SLC14A2: variants seen among roughly 807,000 people sequenced by gnomAD.
SLC14A2 encodes urea transporter 2.
SLC14A2 carries 91 observed loss-of-function variants against 104.6 expected under a neutral mutation model. The ratio of observed to expected loss-of-function variants is 0.87; its 90% confidence interval spans 0.73 to 1.04. SLC14A2 has a LOEUF of 1.04. SLC14A2 is among the 50% of genes least tolerant of loss of function. The pLI is 0.00. For synonymous variants in SLC14A2, 476 were observed against 466.4 expected (o/e 1.02, Z -0.27); for missense variants, 1,189 against 1,156.0 (o/e 1.03, Z -0.41).
At chr18:45,489,489 C>T (rs1310994358) in intron 2 of SLC14A2, among the ~76,000 whole-genome samples, 1 of 152,118 alleles carries the variant, frequency 6.6e-6, no homozygotes. Flanking sequence ...CCCGCCTGGT[C>T]AACAGAGCAA....
intron 1 of SLC14A2, among the ~76,000 whole-genome samples, chr18:45,270,868 T>C (rs567868579): frequency 6.6e-6 from 1 of 152,140 alleles, no homozygotes; most frequent in South Asian, 2.1e-4. Flanking sequence ...TACAACTAGA[T>C]CTTGGGCTTC....
Position 45,667,846 on chromosome 18 carries a change from G to A in SLC14A2, c.1731G>A (p.Val577=), listed in dbSNP as rs758476471. 15 of 1,613,982 alleles carry A rather than the reference G, an allele frequency of 9.3e-6. No individual in the cohort carries two copies. The East Asian group carries it at 3.3e-4, about 36-fold the overall frequency. ...CGEGLKDKSP[V]FQFFDWVLRG... The stretch of plus-strand genomic sequence containing the variant: ...GTTCCATTTCAGACAAGTCCCCAGT[G>A]TTCCAGTTCTTTGACTGGGTCCTCC... Residue 577 remains valine (V), a synonymous_variant, in exon 14 of 20, where the codon GTG becomes GTA. Coordinates refer to ENST00000255226, the MANE Select transcript of SLC14A2 (RefSeq NM_007163.4).
In SLC14A2 at chr18:45,257,403, T is replaced by A. The variant is rs996639590; in HGVS notation, c.-125+44212T>A. Reference sequence around the variant, plus strand: ...ACATGTAATCCTAATGCATACCTTATGGCCCTTCTGCCATTATTGAGACTT... The same window carrying A: ...ACATGTAATCCTAATGCATACCTTAAGGCCCTTCTGCCATTATTGAGACTT... On this transcript the variant is annotated intron_variant, in intron 1 of 20. Transcript: ENST00000586448. 2.0e-5 allele frequency among the ~76,000 whole-genome samples: 3 copies of A among 152,246 alleles called. No homozygotes were observed. The South Asian group carries it at 6.2e-4, about 32-fold the overall frequency.
rs761839050 is a variant in SLC14A2, at chr18:45,666,211, G to A, written c.1549G>A (p.Glu517Lys). 85 of 1,611,092 alleles carry A rather than the reference G, an allele frequency of 5.3e-5. 2 individuals carry two copies. The South Asian group carries it at 6.5e-4, about 12-fold the overall frequency. Residue 517 changes from glutamate to lysine, a missense_variant, in exon 12 of 20, where the codon GAG becomes AAG. Glu to Lys is a moderately conservative substitution (Grantham distance 56, BLOSUM62 1). Transcript: ENST00000255226. ...CTATCGATACCGGAAGCCCACAGTC[G>A]AGCTGCTTGTGAGTACTGAGTGTCC... ...FPYRYRKPTV[E>K]LLDLDTMEES...
intron 2 of SLC14A2, among the ~76,000 whole-genome samples, chr18:45,518,988 AT>A (rs2043479888): frequency 6.6e-6 from 1 of 152,172 alleles, no homozygotes; most frequent in Non-Finnish European, 1.5e-5. Context: ...CACAATCTAA[AT>A]GCAAGCATTT....
chr18:45,347,216 C>T (rs181718418), intron 1 of SLC14A2, among the ~76,000 whole-genome samples: 219 of 152,002 alleles, frequency 1.4e-3, no homozygotes, highest in African/African-American at 5.2e-3. Context: ...ATTAGCTGGG[C>T]ATGGTGGCAT....
intron 1 of SLC14A2, among the ~76,000 whole-genome samples, chr18:45,341,595 CTTTTTTT>C (rs376534367): frequency 3.1e-4 from 26 of 83,150 alleles, no homozygotes; most frequent in East Asian, 6.1e-4. Flanking sequence ...TCTAGTATTA[CTTTTTTT>C]TTTTTTTTTT....
intron 1 of SLC14A2, among the ~76,000 whole-genome samples, chr18:45,269,808 C>A (rs2084631922): frequency 6.6e-6 from 1 of 152,148 alleles, no homozygotes; most frequent in Non-Finnish European, 1.5e-5. Context: ...CAGTTTGAGT[C>A]CAACTGTATG....
chr18:45,666,214 CTGCTTGTGAGT>C lies in SLC14A2; in HGVS notation c.1553_1557+6del. 2 of 1,609,446 alleles carry C rather than the reference CTGCTTGTGAGT, an allele frequency of 1.2e-6. No individual in the cohort carries two copies. The highest frequency in any genetic ancestry group is 2.2e-5 in the South Asian group (2 of 90,970). On this transcript the variant is annotated splice_donor_variant and splice_donor_5th_base_variant and coding_sequence_variant and intron_variant, in exon 12 of 20. Transcript: ENST00000255226. LOFTEE classifies it high-confidence loss of function. ...TCGATACCGGAAGCCCACAGTCGAG[CTGCTTGTGAGT>C]ACTGAGTGTCCTGAATCAGGGACAG...
At chr18:45,391,868 T>C (rs1446613361) in intron 1 of SLC14A2, among the ~76,000 whole-genome samples, 5 of 152,214 alleles carry the variant, frequency 3.3e-5, no homozygotes, top group African/African-American at 9.6e-5. Context: ...TTCTCCCATT[T>C]TGTGGGTTGC....
chr18:45,545,245 A>G (rs1229033528), intron 2 of SLC14A2, among the ~76,000 whole-genome samples: 3 of 152,224 alleles, frequency 2.0e-5, no homozygotes. Context: ...TAAAGTCAAT[A>G]TTTTAAGCTT....
intron 5 of SLC14A2, among the ~76,000 whole-genome samples, chr18:45,635,401 G>A (rs2045403359): frequency 6.6e-6 from 1 of 152,220 alleles, no homozygotes; most frequent in South Asian, 2.1e-4. Flanking sequence ...ACCATCAAAA[G>A]AGACTAAGAA....
intron 1 of SLC14A2, among the ~76,000 whole-genome samples, chr18:45,441,732 T>C (rs1311488785): frequency 6.6e-6 from 1 of 152,248 alleles, no homozygotes; most frequent in Non-Finnish European, 1.5e-5. Flanking sequence ...GGTTTAATCT[T>C]GGCTTTCCTT....
At chr18:45,333,222 C>T (rs1024287102) in intron 1 of SLC14A2, among the ~76,000 whole-genome samples, 2 of 152,022 alleles carry the variant, frequency 1.3e-5, no homozygotes, top group African/African-American at 4.8e-5. Flanking sequence ...TTTGCCTTCT[C>T]AGAGGATCAA....
At chr18:45,460,185 C>T (rs1307257593) in intron 1 of SLC14A2, among the ~76,000 whole-genome samples, 1 of 152,168 alleles carries the variant, frequency 6.6e-6, no homozygotes, top group Non-Finnish European at 1.5e-5. Context: ...CTGCCTTCAC[C>T]CAATGATGGC....
At chr18:45,454,374 T>C (rs1259175246) in intron 1 of SLC14A2, among the ~76,000 whole-genome samples, 3 of 152,222 alleles carry the variant, frequency 2.0e-5, no homozygotes, top group Admixed American at 6.5e-5. Context: ...TGTAAATTTG[T>C]TTAAGTTCTT....
chr18:45,601,224 T>C (rs2044787556), intron 2 of SLC14A2, among the ~76,000 whole-genome samples: 1 of 152,240 alleles, frequency 6.6e-6, no homozygotes, highest in African/African-American at 2.4e-5. Context: ...TTCATGACCT[T>C]GGCAAGTCAC....
At chr18:45,279,786 A>G (rs2084742678) in intron 1 of SLC14A2, among the ~76,000 whole-genome samples, 1 of 152,178 alleles carries the variant, frequency 6.6e-6, no homozygotes. Flanking sequence ...TCACATACAT[A>G]AAAAACACAA....
intron 1 of SLC14A2, among the ~76,000 whole-genome samples, chr18:45,355,566 A>G (rs1379065108): frequency 9.0e-6 from 1 of 111,296 alleles, no homozygotes; most frequent in Non-Finnish European, 1.7e-5. Flanking sequence ...CGACAGAGTG[A>G]TACTCTGTCT....
Sources: gnomAD v4.1 joint callset for allele counts (sites outside exome capture counted in the v4.1 genomes callset) on GRCh38, gnomAD v4.1.1 for gene constraint, MANE v1.5 for transcripts, NCBI Gene and HGNC (gene_info 2026-07-23, HGNC 2026-07-21) for gene names.